Variants in DLGAP2 observed in about 807,000 individuals in gnomAD.
DLGAP2 encodes disks large-associated protein 2.
DLGAP2 carries 26 observed loss-of-function variants against 100.3 expected under a neutral mutation model. The observed-to-expected ratio is 0.26, with a 90% confidence interval of 0.19 to 0.36. The LOEUF (loss-of-function observed/expected upper bound fraction) is 0.36. Among genes scored for constraint, DLGAP2 ranks in the 10% least tolerant of loss-of-function variants. The pLI is 1.00. For missense variants in DLGAP2, 1,858 were observed against 1,453.2 expected, an observed-to-expected ratio of 1.28 and a Z score of -4.53; for synonymous variants, 886 against 630.1, an observed-to-expected ratio of 1.41 and a Z score of -6.08.
intron 3 of DLGAP2, among the ~76,000 whole-genome samples, chr8:1,272,564 A>G (rs560718837): frequency 4.3e-4 from 65 of 152,306 alleles, no homozygotes; most frequent in African/African-American, 1.5e-3. Context: ...AAATTCTGTA[A>G]CATTTTAAAC....
At chr8:1,491,341 G>GGAGGCTTCGGGCCGCTACCCCTGACCCCA (rs1799379623) in intron 3 of DLGAP2, among the ~76,000 whole-genome samples, 1 of 147,760 alleles carries the variant, frequency 6.8e-6, no homozygotes, top group East Asian at 2.0e-4. Flanking sequence ...TCCTGACCCC[G>GGAGGCTTCGGGCCGCTACCCCTGACCCCA]GAGGCTTCGG....
chr8:1,626,413 C>T (rs1449456881), intron 6 of DLGAP2, among the ~76,000 whole-genome samples: 21 of 94,864 alleles, frequency 2.2e-4, no homozygotes, highest in African/African-American at 7.9e-4. Context: ...CTCTACCCTG[C>T]AGCGGGTGCT....
intron 3 of DLGAP2, among the ~76,000 whole-genome samples, chr8:1,432,208 T>C (rs1343982655): frequency 2.6e-5 from 4 of 152,248 alleles, no homozygotes; most frequent in East Asian, 3.8e-4. Context: ...CCATATTTCA[T>C]TGCTGTAAAA....
At chr8:1,089,414 G>C (rs1260821294) in intron 2 of DLGAP2, among the ~76,000 whole-genome samples, 2 of 152,198 alleles carry the variant, frequency 1.3e-5, no homozygotes, top group African/African-American at 4.8e-5. Context: ...ACCGTGGGCT[G>C]GTGAGACTCC....
At chr8:1,107,147 T>C (rs1308711248) in intron 2 of DLGAP2, among the ~76,000 whole-genome samples, 1 of 151,922 alleles carries the variant, frequency 6.6e-6, no homozygotes, top group East Asian at 1.9e-4. Context: ...TCAGTGGGGG[T>C]ACTTAAAGCA....
At chr8:1,584,158 T>A (rs866310484) in intron 6 of DLGAP2, among the ~76,000 whole-genome samples, 6 of 152,204 alleles carry the variant, frequency 3.9e-5, no homozygotes, top group Non-Finnish European at 8.8e-5. Context: ...CCTCACACAC[T>A]GGATGAATGG....
intron 6 of DLGAP2, among the ~76,000 whole-genome samples, chr8:1,568,489 C>T (rs1247370196): frequency 2.1e-5 from 3 of 141,780 alleles, no homozygotes; most frequent in African/African-American, 5.3e-5. Context: ...AAATCCGTCT[C>T]TGCCCGTGGC....
At chr8:920,076 G>A (rs1053212105) in intron 2 of DLGAP2, among the ~76,000 whole-genome samples, 1 of 152,186 alleles carries the variant, frequency 6.6e-6, no homozygotes, top group Non-Finnish European at 1.5e-5. Flanking sequence ...GCGAGAAGGT[G>A]GAGGAGAGAG....
intron 1 of DLGAP2, among the ~76,000 whole-genome samples, chr8:866,882 C>G (rs1013985658): frequency 6.6e-6 from 1 of 152,196 alleles, no homozygotes; most frequent in Non-Finnish European, 1.5e-5. Flanking sequence ...CCGGTGTTCT[C>G]CTGTCGCCCC....
chr8:1,605,651 C>T (rs1424187544), intron 6 of DLGAP2, among the ~76,000 whole-genome samples: 3 of 152,126 alleles, frequency 2.0e-5, no homozygotes, highest in Non-Finnish European at 4.4e-5. Context: ...TCTGTGATCC[C>T]GCTGATGTTA....
rs7001574 is a variant in DLGAP2, at chr8:1,637,764, G to T, written c.1810+4718G>T. Reference sequence around the variant, plus strand: ...CACTGAAGTCCTGAGCATTGGCCCCGAAGGCCTAAAGTCTGGAAACAGTTG... The same window carrying T: ...CACTGAAGTCCTGAGCATTGGCCCCTAAGGCCTAAAGTCTGGAAACAGTTG... On this transcript the variant is annotated intron_variant, in intron 8 of 14. Coordinates refer to ENST00000637795, the MANE Select transcript of DLGAP2 (RefSeq NM_001346810.2). Among the ~76,000 whole-genome samples the T allele has an allele frequency of 2.6e-5, 4 of 152,142 alleles. No individual in the cohort carries two copies. The East Asian group carries it at 7.8e-4, about 29-fold the overall frequency.
At chr8:851,189 C>T (rs1270524583) in intron 1 of DLGAP2, among the ~76,000 whole-genome samples, 1 of 152,244 alleles carries the variant, frequency 6.6e-6, no homozygotes, top group Non-Finnish European at 1.5e-5. Flanking sequence ...TATAGTCACA[C>T]ACTGTGCAGG....
rs370124089 is a variant in DLGAP2 at position 943,672 on chromosome 8, T to C, written c.73+35706T>C. On this transcript the variant is annotated intron_variant, in intron 2 of 14. Transcript: ENST00000637795. ...CCGCCACAAGCACGGCAAGAACCAC[T>C]GTGTACAAGATCATGTGGAGGATCT... Among the ~76,000 whole-genome samples the C allele has an allele frequency of 3.7e-4, 56 of 151,374 alleles. No homozygotes were observed. The East Asian group carries it at 9.4e-3, about 25-fold the overall frequency.
At chr8:1,218,621 T>A (rs1798258081) in intron 2 of DLGAP2, among the ~76,000 whole-genome samples, 2 of 152,212 alleles carry the variant, frequency 1.3e-5, no homozygotes, top group South Asian at 4.1e-4. Context: ...ATTCAGGCTC[T>A]TTTTTGTTTT....
intron 3 of DLGAP2, among the ~76,000 whole-genome samples, chr8:1,331,133 G>A (rs1202283948): frequency 2.0e-5 from 3 of 152,230 alleles, no homozygotes; most frequent in Non-Finnish European, 4.4e-5. Flanking sequence ...TTTCATCTGT[G>A]TTAATAATCA....
chr8:1,458,641 C>T (rs1167349444), intron 3 of DLGAP2, among the ~76,000 whole-genome samples: 1 of 152,216 alleles, frequency 6.6e-6, no homozygotes, highest in African/African-American at 2.4e-5. Context: ...CTCTGAGCCT[C>T]CAGCAGCACA....
intron 3 of DLGAP2, chr8:1,259,748 A>T (rs1799307354): frequency 6.6e-6 from 1 of 152,212 alleles, no homozygotes; most frequent in Non-Finnish European, 1.5e-5. Context: ...AGGGTCACAG[A>T]AGCTCAACCG....
chr8:1,392,407 C>T (rs1796384581), intron 3 of DLGAP2, among the ~76,000 whole-genome samples: 1 of 152,190 alleles, frequency 6.6e-6, no homozygotes, highest in African/African-American at 2.4e-5. Context: ...TCGGGGAAAA[C>T]CTGTGGCCCC....
At chr8:1,464,237 ACACCCTTCCAGGACG>A (rs1798546626) in intron 3 of DLGAP2, among the ~76,000 whole-genome samples, 1 of 34,794 alleles carries the variant, frequency 2.9e-5, no homozygotes, top group African/African-American at 1.4e-4. Flanking sequence ...TTCCAGGACG[ACACCCTTCCAGGACG>A]GCTCCCTTCC....
Sources: gnomAD v4.1 joint callset for allele counts (sites outside exome capture counted in the v4.1 genomes callset) on GRCh38, gnomAD v4.1.1 for gene constraint, MANE v1.5 for transcripts, NCBI Gene and HGNC (gene_info 2026-07-23, HGNC 2026-07-21) for gene names.